The following MYO7A variants were observed in gnomAD, a reference collection of about 807,000 sequenced individuals.
The protein encoded by MYO7A is myosin VIIA.
Under a neutral mutation model 263.8 loss-of-function variants are expected in MYO7A, and 210 were observed. The observed-to-expected ratio is 0.80, with a 90% CI of 0.71 to 0.89. The LOEUF is 0.89. Among genes scored for constraint, MYO7A ranks in the 40% least tolerant of loss-of-function variants. The pLI is 0.00. For synonymous variants in MYO7A, 1,239 were observed against 1,197.3 expected (o/e 1.03, Z -0.72); for missense variants, 2,820 against 2,968.3 (o/e 0.95, Z 1.16).
intron 11 of MYO7A, 35 bp from the exon 12 acceptor site, chr11:77,160,938 G>A (rs1952934399): frequency 1.9e-6 from 3 of 1,576,162 alleles, no homozygotes; most frequent in Non-Finnish European, 2.6e-6. Flanking sequence ...GGGGGAGGGT[G>A]TGGCTGGTGC....
intron 27 of MYO7A, among the ~76,000 whole-genome samples, chr11:77,186,763 T>C (rs1377433166): frequency 2.0e-5 from 3 of 152,382 alleles, no homozygotes; most frequent in Middle Eastern, 3.4e-3. Flanking sequence ...ATCATTTGCA[T>C]GTTCACTGGA....
chr11:77,204,350 G>A, intron 39 of MYO7A, 121 bp downstream of exon 39: 1 of 1,374,542 alleles, frequency 7.3e-7, no homozygotes. Flanking sequence ...ACAGAGCCGG[G>A]AGCTGCTCAT....
chr11:77,206,007 G>A (rs1342265070), intron 40 of MYO7A, 90 bp from the exon 41 acceptor site: 2 of 1,011,368 alleles, frequency 2.0e-6, no homozygotes, highest in Non-Finnish European at 3.0e-6. Flanking sequence ...GCGGGGATCA[G>A]AACTGGGGTT....
intron 2 of MYO7A, among the ~76,000 whole-genome samples, chr11:77,137,017 G>C (rs1555047648): frequency 6.6e-6 from 1 of 152,224 alleles, no homozygotes; most frequent in East Asian, 1.9e-4. Context: ...TCGGTTATAT[G>C]AACTCGTGGT....
chr11:77,158,393 G>T lies in MYO7A; in HGVS notation c.966G>T (p.Leu322=). The T allele has an allele frequency of 6.2e-7, 1 of 1,612,824 alleles. No individual in the cohort carries two copies. The highest frequency in any genetic ancestry group is 8.5e-7 in the Non-Finnish European group (1 of 1,179,734). ...DTENWEISKL[L]AAILHLGNLQ... is the part of the protein sequence containing the mutation. The stretch of plus-strand genomic sequence containing the variant: ...AGAACTGGGAGATCTCGAAGCTCCT[G>T]GCTGCCATCCTGCACCTGGGCAACC... The change falls in exon 9 of 49, where the codon CTG becomes CTT. Residue 322 remains leucine (L), a synonymous_variant. Coordinates refer to ENST00000409709, the MANE Select transcript of MYO7A (RefSeq NM_000260.4).
chr11:77,163,400 A>G (rs1005763568), intron 14 of MYO7A, among the ~76,000 whole-genome samples: 4 of 152,150 alleles, frequency 2.6e-5, no homozygotes, highest in African/African-American at 7.2e-5. Context: ...TCGTTAGGCA[A>G]TTTGGTCATT....
Position 77,189,955 on chromosome 11 carries a change from G to A in MYO7A, c.3631-65G>A, listed in dbSNP as rs531423762. 4.0e-5 allele frequency: 58 copies of A among 1,454,428 alleles called. No homozygotes were observed. The South Asian group carries it at 6.9e-4, about 17-fold the overall frequency. The allele number at this position is 1,454,428 out of a possible 1,614,324, so 90.1% of individuals were successfully genotyped here. A position where few individuals can be genotyped will look rare whatever the true frequency, so the allele number is the denominator to read the frequency against. ...GGCCTCCAAGTGCCGGGAGGGCCTG[G>A]CGGCTGCCCTCAAAATCCACATGGG... On this transcript the variant is annotated intron_variant, in intron 28 of 48. Transcript: ENST00000409709.
chr11:77,130,919 A>ATG (rs1184277051), intron 2 of MYO7A, among the ~76,000 whole-genome samples: 1 of 152,222 alleles, frequency 6.6e-6, no homozygotes, highest in African/African-American at 2.4e-5. Flanking sequence ...GTGGAACAGC[A>ATG]TGTGCAAAGG....
At chr11:77,206,717 T>C (rs1957466383) in intron 41 of MYO7A, among the ~76,000 whole-genome samples, 1 of 152,240 alleles carries the variant, frequency 6.6e-6, no homozygotes, top group East Asian at 1.9e-4. Flanking sequence ...CCCCAGCCCC[T>C]GCCTGTCTCA....
chr11:77,174,871 G>A lies in MYO7A; in HGVS notation c.2051G>A (p.Arg684Gln), dbSNP rs782219701. The A allele has an allele frequency of 6.2e-6, 10 of 1,613,598 alleles. No homozygotes were observed. The highest frequency in any genetic ancestry group is 5.0e-5 in the Admixed American group (3 of 59,998). Residue 684 changes from arginine to glutamine, a missense_variant, in exon 17 of 49, where the codon CGG (arginine) becomes CAG (glutamine). By Grantham distance (43) the Arg-to-Gln change is conservative. Transcript: ENST00000409709. The stretch of plus-strand genomic sequence containing the variant: ...TACAGCTTCGTAGAGTTTGTGGAGC[G>A]GTACCGTGTGCTGCTGCCAGGTGTG... ...IRYSFVEFVE[R>Q]YRVLLPGVKP...
chr11:77,213,143 C>A (rs1431185591), intron 47 of MYO7A, 108 bp downstream of exon 47: 2 of 838,892 alleles, frequency 2.4e-6, no homozygotes, highest in African/African-American at 3.4e-5. Context: ...TATCTCTAGA[C>A]TCATCCACCC....
At position 77,192,298 on chromosome 11, in the gene MYO7A, C is replaced by T; in HGVS notation, c.4152+20C>T. 6.2e-7 allele frequency: 1 copy of T among 1,610,356 alleles called. No individual in the cohort carries two copies. Among genetic ancestry groups the T allele is most frequent in the Non-Finnish European group, 8.5e-7 (1 of 1,176,610 alleles). ...GAGAAGGTGAGTGGGAGGGAATCTT[C>T]CGCCAGGCTGGCTTGGCTCACAGCC... On this transcript the variant is annotated intron_variant, in intron 31 of 48. Coordinates refer to ENST00000409709, the MANE Select transcript of MYO7A (RefSeq NM_000260.4).
Position 77,159,463 on chromosome 11 carries a change from CCT to C in MYO7A, c.1021_1022del (p.Leu341GlyfsTer4). 1 of 1,350,012 alleles carries C rather than the reference CCT, an allele frequency of 7.4e-7. No homozygotes were observed. The highest frequency in any genetic ancestry group is 2.1e-5 in the Admixed American group (1 of 47,310). 83.6% of individuals were successfully genotyped at this position (1,350,012 alleles called of 1,614,324 possible). ...LQYEARTFEN[L>X]DACEVLFSPS... ...TGCCAACAGCACGCACATTTGAAAA[CCT>C]GGATGCCTGTGAGGTTCTCTTCTCC... On this transcript the variant is annotated frameshift_variant, in exon 10 of 49. Transcript: ENST00000409709. LOFTEE classifies it high-confidence loss of function.
At chr11:77,155,394 G>A (rs1952356225) in intron 4 of MYO7A, among the ~76,000 whole-genome samples, 1 of 152,170 alleles carries the variant, frequency 6.6e-6, no homozygotes, top group Admixed American at 6.5e-5. Flanking sequence ...GGCCCACCCA[G>A]CCCCCAAGCC....
intron 44 of MYO7A, 35 bp from the exon 45 acceptor site, chr11:77,211,117 C>T: frequency 6.6e-7 from 1 of 1,510,958 alleles, no homozygotes; most frequent in Non-Finnish European, 8.9e-7. Flanking sequence ...TCTGCCAGGT[C>T]CCTGCACGCC....
At chr11:77,170,520 G>A (rs1555075294) in intron 15 of MYO7A, among the ~76,000 whole-genome samples, 1 of 152,172 alleles carries the variant, frequency 6.6e-6, no homozygotes, top group Non-Finnish European at 1.5e-5. Context: ...GAGGGTTCTG[G>A]GTGGGGAAAG....
In MYO7A at chr11:77,204,156, C is replaced by A. The variant is rs1274014971; in HGVS notation, c.5407C>A (p.Pro1803Thr). ...GCTCACCGACCAGATCTTTGAGGGT[C>A]CCCTGAAAGCCGAGCCCCTGAAGGA... ...NELTDQIFEG[P>T]LKAEPLKDEA... The change falls in exon 39 of 49, where the codon CCC becomes ACC. Residue 1803 changes from proline (P) to threonine (T), a missense_variant. Physicochemically the swap from Pro to Thr is conservative, Grantham distance 38 (BLOSUM62 -1). Coordinates refer to ENST00000409709, the MANE Select transcript of MYO7A (RefSeq NM_000260.4). 4.4e-6 allele frequency: 7 copies of A among 1,593,906 alleles called. No individual in the cohort carries two copies.
intron 12 of MYO7A, 97 bp from the exon 13 acceptor site, chr11:77,162,023 T>G: frequency 8.9e-7 from 1 of 1,124,452 alleles, no homozygotes; most frequent in South Asian, 1.5e-5. Context: ...TGGGGATAGC[T>G]TGCTAATGGC....
intron 44 of MYO7A, among the ~76,000 whole-genome samples, chr11:77,210,023 C>T (rs1375165796): frequency 6.6e-6 from 1 of 152,244 alleles, no homozygotes; most frequent in East Asian, 1.9e-4. Flanking sequence ...CCTTCCCTCA[C>T]CTACTGAGCT....
Sources: gnomAD v4.1 joint callset for allele counts (sites outside exome capture counted in the v4.1 genomes callset) on GRCh38, gnomAD v4.1.1 for gene constraint, MANE v1.5 for transcripts, NCBI Gene and HGNC (gene_info 2026-07-23, HGNC 2026-07-21) for gene names.